LSAMP: variants seen among roughly 807,000 people sequenced by gnomAD.
The protein encoded by LSAMP is limbic system associated membrane protein.
LSAMP carries 7 observed loss-of-function variants against 38.6 expected under a neutral mutation model. The observed-to-expected ratio is 0.18, with a 90% CI of 0.10 to 0.34. The LOEUF (loss-of-function observed/expected upper bound fraction) is 0.34. LSAMP is among the 10% of genes least tolerant of loss of function. The pLI is 1.00. For synonymous variants in LSAMP, 154 were observed against 166.8 expected, an observed-to-expected ratio of 0.92 and a Z score of 0.59; for missense variants, 313 against 420.0, an observed-to-expected ratio of 0.75 and a Z score of 2.23.
At chr3:115,845,604 G>A (rs1935134346) in intron 4 of LSAMP, among the ~76,000 whole-genome samples, 1 of 152,068 alleles carries the variant, frequency 6.6e-6, no homozygotes, top group Admixed American at 6.6e-5. Flanking sequence ...AGGCTTATTT[G>A]GGCTCTCTCC....
intron 1 of LSAMP, among the ~76,000 whole-genome samples, chr3:116,251,214 C>T (rs554095481): frequency 3.9e-5 from 6 of 152,228 alleles, no homozygotes; most frequent in South Asian, 4.1e-4. Context: ...AATTTAAGGT[C>T]GAAACATCTG....
chr3:116,321,311 TTCAGTAAG>T (rs2047702630), intron 1 of LSAMP, among the ~76,000 whole-genome samples: 1 of 152,062 alleles, frequency 6.6e-6, no homozygotes, highest in Non-Finnish European at 1.5e-5. Flanking sequence ...AAGTTGAGGC[TTCAGTAAG>T]TCATGATCTT....
At chr3:116,151,156 GC>G (rs1192016264) in intron 1 of LSAMP, among the ~76,000 whole-genome samples, 1 of 151,992 alleles carries the variant, frequency 6.6e-6, no homozygotes, top group East Asian at 1.9e-4. Context: ...AGGATACACA[GC>G]AGAAATTCAG....
Position 115,947,243 on chromosome 3 carries a change from CAA to C in LSAMP, c.514+72270_514+72271del, listed in dbSNP as rs550750702. On this transcript the variant is annotated intron_variant, in intron 3 of 6. Coordinates refer to ENST00000490035, the MANE Select transcript of LSAMP (RefSeq NM_002338.5). The stretch of plus-strand genomic sequence containing the variant: ...TTTCCCTTAGAAATCAGAAATGAGA[CAA>C]TGATATCTGCTATTCCTTCTAATAA... Among the ~76,000 whole-genome samples the C allele has an allele frequency of 3.3e-5, 5 of 152,194 alleles. No homozygotes were observed. The South Asian group carries it at 1.0e-3, about 32-fold the overall frequency.
At chr3:116,370,454 C>T (rs951094347) in intron 1 of LSAMP, among the ~76,000 whole-genome samples, 2 of 152,086 alleles carry the variant, frequency 1.3e-5, no homozygotes, top group East Asian at 1.9e-4. Context: ...TAGAAATTTC[C>T]GGGAAAGGCT....
At chr3:116,196,991 T>C (rs1328264797) in intron 1 of LSAMP, among the ~76,000 whole-genome samples, 4 of 152,120 alleles carry the variant, frequency 2.6e-5, no homozygotes, top group African/African-American at 9.7e-5. Flanking sequence ...TGTCTGCACC[T>C]CCCAAAAGGT....
intron 1 of LSAMP, among the ~76,000 whole-genome samples, chr3:116,241,102 G>A (rs961751872): frequency 6.0e-5 from 9 of 151,052 alleles, no homozygotes; most frequent in South Asian, 2.1e-4. Context: ...GCTTGAACCC[G>A]AGAGGCAGAG....
chr3:116,217,562 T>C (rs909834399), intron 1 of LSAMP, among the ~76,000 whole-genome samples: 3 of 152,336 alleles, frequency 2.0e-5, no homozygotes, highest in African/African-American at 7.2e-5. Flanking sequence ...TCTACAGGCT[T>C]GTGAGAAGAA....
intron 2 of LSAMP, among the ~76,000 whole-genome samples, chr3:116,059,426 AG>A (rs1941551497): frequency 6.6e-6 from 1 of 152,190 alleles, no homozygotes; most frequent in South Asian, 2.1e-4. Flanking sequence ...AAGTTGGAAG[AG>A]TTGTGGCAGA....
intron 1 of LSAMP, 41 bp downstream of exon 1, chr3:116,444,836 G>T (rs199499207): frequency 5.0e-6 from 8 of 1,610,616 alleles, no homozygotes; most frequent in Admixed American, 3.3e-5. Flanking sequence ...ACACACACAC[G>T]TGTAGACGCG....
chr3:116,179,570 CTT>C (rs576553789), intron 1 of LSAMP, among the ~76,000 whole-genome samples: 200 of 152,210 alleles, frequency 1.3e-3, no homozygotes, highest in African/African-American at 4.5e-3. Flanking sequence ...CCTCAGGAAA[CTT>C]TCAATCATGC....
chr3:115,855,367 A>G (rs1935473726), intron 3 of LSAMP, among the ~76,000 whole-genome samples: 1 of 152,196 alleles, frequency 6.6e-6, no homozygotes, highest in Non-Finnish European at 1.5e-5. Context: ...TTTGTTCCTG[A>G]TAAGCAGATA....
At chr3:115,868,452 T>TGA (rs1559859089) in intron 3 of LSAMP, among the ~76,000 whole-genome samples, 1 of 152,166 alleles carries the variant, frequency 6.6e-6, no homozygotes, top group East Asian at 1.9e-4. Flanking sequence ...AACTTAAGGA[T>TGA]GAGAAGTATT....
intron 3 of LSAMP, among the ~76,000 whole-genome samples, chr3:115,993,364 C>T (rs1015742739): frequency 3.3e-5 from 5 of 152,026 alleles, no homozygotes; most frequent in Admixed American, 6.6e-5. Flanking sequence ...CCTGTGGTGG[C>T]GTATTCATCC....
At position 116,044,882 on chromosome 3, in the gene LSAMP, G is replaced by A. The variant is rs575951504; in HGVS notation, c.389-25242C>T. ...CTGTGTCTCCACTTCCTCCAGCAGT[G>A]GAAGATGCCCTGAAAAGACTAGATG... On this transcript the variant is annotated intron_variant, in intron 2 of 6. Coordinates refer to ENST00000490035, the MANE Select transcript of LSAMP (RefSeq NM_002338.5). 5.9e-5 allele frequency among the ~76,000 whole-genome samples: 9 copies of A among 152,218 alleles called. No individual in the cohort carries two copies. In the South Asian group the frequency reaches 1.9e-3, roughly 32 times the overall value.
chr3:115,974,501 C>T (rs1175485869), intron 3 of LSAMP, among the ~76,000 whole-genome samples: 1 of 152,092 alleles, frequency 6.6e-6, no homozygotes, highest in Non-Finnish European at 1.5e-5. Context: ...GGATCACAGA[C>T]ATATCTGTGA....
Position 115,971,532 on chromosome 3 carries a change from A to G in LSAMP, c.514+47983T>C, listed in dbSNP as rs143266413. ...CCTAATATTATGAAGCTTTGAAATC[A>G]TTCTTGGCTTGAAACCTAATTATTA... On this transcript the variant is annotated intron_variant, in intron 3 of 6. Transcript: ENST00000490035. Among the ~76,000 whole-genome samples, 649 of 152,292 alleles carry G rather than the reference A, an allele frequency of 4.3e-3. 2 individuals carry two copies. The highest frequency in any genetic ancestry group is 0.015 in the African/African-American group (623 of 41,568).
intron 3 of LSAMP, among the ~76,000 whole-genome samples, chr3:115,854,314 G>T (rs1299145752): frequency 8.1e-6 from 1 of 123,786 alleles, no homozygotes; most frequent in African/African-American, 3.1e-5. Context: ...ATGGAGTCCC[G>T]CTCTTTAGCC....
At chr3:116,214,582 C>A (rs537105597) in intron 1 of LSAMP, among the ~76,000 whole-genome samples, 2 of 147,992 alleles carry the variant, frequency 1.4e-5, no homozygotes, top group African/African-American at 5.0e-5. Context: ...CAGCTGACTG[C>A]AACCTCTGCC....
Sources: gnomAD v4.1 joint callset for allele counts (sites outside exome capture counted in the v4.1 genomes callset) on GRCh38, gnomAD v4.1.1 for gene constraint, MANE v1.5 for transcripts, NCBI Gene and HGNC (gene_info 2026-07-23, HGNC 2026-07-21) for gene names.